The following ARFGEF3 variants were observed in gnomAD, a reference collection of about 807,000 sequenced individuals.
ARFGEF3 encodes the protein brefeldin A-inhibited guanine nucleotide-exchange protein 3.
A neutral mutation model predicts 221.7 loss-of-function variants in ARFGEF3; 96 were observed. The observed-to-expected ratio is 0.43, with a 90% confidence interval of 0.37 to 0.51. ARFGEF3 has a LOEUF of 0.51. Ranked by LOEUF, ARFGEF3 falls within the 20% of genes least tolerant of loss-of-function variation. The pLI is 0.00. For missense variants in ARFGEF3, 2,410 were observed against 2,789.9 expected (o/e 0.86, Z 3.07); for synonymous variants, 1,145 against 1,126.8 (o/e 1.02, Z -0.32).
chr6:138,166,587 A>G (rs903173655), intron 1 of ARFGEF3, among the ~76,000 whole-genome samples: 6 of 152,142 alleles, frequency 3.9e-5, no homozygotes, highest in African/African-American at 1.4e-4. Context: ...GTGGCCAGGG[A>G]GTAGAAAGGA....
chr6:138,298,536 GA>G, intron 21 of ARFGEF3, 69 bp from the exon 22 acceptor site: 1 of 1,302,048 alleles, frequency 7.7e-7, no homozygotes. Flanking sequence ...GGTGGGGTAG[GA>G]AAGCCTTCAG....
chr6:138,231,157 T>C (rs1393611394), intron 5 of ARFGEF3, among the ~76,000 whole-genome samples: 1 of 152,040 alleles, frequency 6.6e-6, no homozygotes. Context: ...TGATTGAAAA[T>C]ATAATTCCTG....
intron 8 of ARFGEF3, 129 bp from the exon 9 acceptor site, chr6:138,253,751 C>T (rs1778622031): frequency 2.7e-6 from 2 of 735,178 alleles, no homozygotes; most frequent in African/African-American, 1.8e-5. Context: ...CAACCCATAA[C>T]ACTAACCGTC....
chr6:138,175,794 CTT>C (rs1776933577), intron 2 of ARFGEF3, among the ~76,000 whole-genome samples: 1 of 152,162 alleles, frequency 6.6e-6, no homozygotes, highest in African/African-American at 2.4e-5. Flanking sequence ...TCCAATGTCT[CTT>C]TGTTGATTTT....
In ARFGEF3 at chr6:138,264,348, A is replaced by G. The variant is rs117480790; in HGVS notation, c.2128+737A>G. 4.2e-3 allele frequency among the ~76,000 whole-genome samples: 635 copies of G among 152,364 alleles called. 4 individuals carry two copies. Among genetic ancestry groups the G allele is most frequent in the Middle Eastern group, 6.8e-3 (2 of 294 alleles). ...TAAGATAGTGTTCTTGAAAGATAAT[A>G]CAGAAAGAAATAAATTAATGGGTAC... On this transcript the variant is annotated intron_variant, in intron 12 of 33. Coordinates refer to ENST00000251691, the MANE Select transcript of ARFGEF3 (RefSeq NM_020340.5).
At chr6:138,243,834 ATCACTAGAGTTGTT>A (rs2114556849) in intron 7 of ARFGEF3, among the ~76,000 whole-genome samples, 1 of 152,322 alleles carries the variant, frequency 6.6e-6, no homozygotes, top group East Asian at 1.9e-4. Context: ...ATTCTAAAGC[ATCACTAGAGTTGTT>A]TCACTAGAGT....
At chr6:138,181,957 G>C (rs1777086298) in intron 2 of ARFGEF3, among the ~76,000 whole-genome samples, 1 of 152,236 alleles carries the variant, frequency 6.6e-6, no homozygotes, top group Admixed American at 6.5e-5. Context: ...ATTTAGTGAT[G>C]TCAGTAGCTC....
intron 28 of ARFGEF3, 101 bp downstream of exon 28, chr6:138,319,980 G>A (rs1219277334): frequency 1.3e-5 from 12 of 937,062 alleles, no homozygotes; most frequent in Non-Finnish European, 2.0e-5. Flanking sequence ...TACGAATGCA[G>A]GGTTTTTGTC....
chr6:138,203,696 C>T (rs1583009083), intron 2 of ARFGEF3, among the ~76,000 whole-genome samples: 1 of 152,142 alleles, frequency 6.6e-6, no homozygotes, highest in Non-Finnish European at 1.5e-5. Flanking sequence ...GGCTGGAGTG[C>T]AGTGGCACGA....
rs1198202701 is a variant in ARFGEF3 at position 138,341,721 on chromosome 6, G to A, written c.*5235G>A. ...ATCCTCTTTCCCTGGCTGTATTGTAGTGTTTGCTATTTGATGTGGAAATAA... is the reference window on the plus strand; with the variant it reads ...ATCCTCTTTCCCTGGCTGTATTGTAATGTTTGCTATTTGATGTGGAAATAA... On this transcript the variant is annotated 3_prime_UTR_variant, in exon 34 of 34. Coordinates refer to ENST00000251691, the MANE Select transcript of ARFGEF3 (RefSeq NM_020340.5). 2 of 152,110 alleles carry A rather than the reference G, an allele frequency of 1.3e-5. No individual in the cohort carries two copies. Among genetic ancestry groups the A allele is most frequent in the African/African-American group, 4.8e-5 (2 of 41,414 alleles). The allele number at this position is 152,110 out of a possible 1,614,324, so 9.4% of individuals were successfully genotyped here.
intron 2 of ARFGEF3, among the ~76,000 whole-genome samples, chr6:138,204,901 CT>C (rs1442660660): frequency 1.3e-5 from 2 of 152,206 alleles, no homozygotes; most frequent in Non-Finnish European, 2.9e-5. Context: ...CCAGTCCTGC[CT>C]TGTGACCATG....
intron 5 of ARFGEF3, among the ~76,000 whole-genome samples, chr6:138,235,768 G>A (rs1000806734): frequency 8.1e-6 from 1 of 124,032 alleles, no homozygotes; most frequent in Non-Finnish European, 1.7e-5. Flanking sequence ...ATTTCTTTCT[G>A]GGTACCTAAA....
intron 2 of ARFGEF3, among the ~76,000 whole-genome samples, chr6:138,205,258 A>G (rs1198791885): frequency 1.3e-5 from 2 of 152,092 alleles, no homozygotes; most frequent in South Asian, 2.1e-4. Flanking sequence ...GCTACGGGAT[A>G]TATTTCCTCT....
chr6:138,212,415 T>C (rs185545900), intron 4 of ARFGEF3, among the ~76,000 whole-genome samples: 1 of 152,340 alleles, frequency 6.6e-6, no homozygotes, highest in East Asian at 1.9e-4. Flanking sequence ...TTTACACTGT[T>C]GGTGGGAGTG....
At chr6:138,331,706 T>C (rs980347708) in intron 32 of ARFGEF3, among the ~76,000 whole-genome samples, 10 of 152,376 alleles carry the variant, frequency 6.6e-5, no homozygotes, top group Middle Eastern at 3.4e-3. Context: ...AGCAGGAGGA[T>C]GGCAGACTTC....
chr6:138,224,450 C>G (rs1336621641), intron 4 of ARFGEF3, among the ~76,000 whole-genome samples: 1 of 152,242 alleles, frequency 6.6e-6, no homozygotes, highest in African/African-American at 2.4e-5. Flanking sequence ...TTTCACCAGT[C>G]AGGCCACCTG....
chr6:138,332,214 T>TG (rs1466271826), intron 32 of ARFGEF3, among the ~76,000 whole-genome samples: 2 of 151,826 alleles, frequency 1.3e-5, no homozygotes, highest in African/African-American at 2.4e-5. Flanking sequence ...CCTAGGGGAG[T>TG]GGGGTTCAAA....
At chr6:138,223,477 G>C (rs892706506) in intron 4 of ARFGEF3, among the ~76,000 whole-genome samples, 12 of 152,066 alleles carry the variant, frequency 7.9e-5, no homozygotes, top group Admixed American at 7.2e-4. Context: ...ACTTTTTGGA[G>C]CCCTAACTAG....
intron 3 of ARFGEF3, 126 bp downstream of exon 3, chr6:138,207,249 A>G: frequency 1.5e-6 from 1 of 687,794 alleles, no homozygotes; most frequent in South Asian, 1.8e-5. Context: ...TGATTGAACT[A>G]GGAAATAACT....
Sources: allele counts gnomAD v4.1 joint callset (sites outside exome capture counted in the v4.1 genomes callset), GRCh38; gene constraint gnomAD v4.1.1; transcripts MANE v1.5; gene names NCBI Gene and HGNC (gene_info 2026-07-23, HGNC 2026-07-21).